Variants in CDK8 observed in about 807,000 individuals in gnomAD.
The protein encoded by CDK8 is cyclin-dependent kinase 8.
A neutral mutation model predicts 71.5 loss-of-function variants in CDK8; 29 were observed. The observed-to-expected ratio is 0.41, with a 90% confidence interval of 0.30 to 0.55. The LOEUF is 0.55. CDK8 is among the 20% of genes least tolerant of loss of function. The pLI is 0.37. For synonymous variants in CDK8, 161 were observed against 192.1 expected (o/e 0.84, Z 1.34); for missense variants, 288 against 572.6 (o/e 0.50, Z 5.07).
intron 1 of CDK8, among the ~76,000 whole-genome samples, chr13:26,285,927 A>C (rs542125458): frequency 1.6e-3 from 242 of 152,310 alleles, no homozygotes; most frequent in African/African-American, 5.6e-3. Context: ...ACAAATAAAT[A>C]AAATACTTAC....
At chr13:26,356,079 A>C (rs1046753181) in intron 4 of CDK8, among the ~76,000 whole-genome samples, 1 of 152,158 alleles carries the variant, frequency 6.6e-6, no homozygotes, top group Non-Finnish European at 1.5e-5. Context: ...ACATAGGGGT[A>C]GTATAGAACA....
chr13:26,269,066 A>G (rs558792801), intron 1 of CDK8, among the ~76,000 whole-genome samples: 1 of 152,258 alleles, frequency 6.6e-6, no homozygotes, highest in East Asian at 1.9e-4. Flanking sequence ...GCCTCCATAG[A>G]ATGAGAGGCT....
intron 1 of CDK8, among the ~76,000 whole-genome samples, chr13:26,271,750 T>C (rs1378835878): frequency 7.3e-6 from 1 of 137,836 alleles, no homozygotes; most frequent in African/African-American, 2.8e-5. Flanking sequence ...CTTGAGGCGG[T>C]GGTGAGCTCT....
intron 1 of CDK8, among the ~76,000 whole-genome samples, chr13:26,318,889 C>G (rs1173223987): frequency 6.6e-6 from 1 of 152,298 alleles, no homozygotes; most frequent in Non-Finnish European, 1.5e-5. Context: ...CACTTTTCCT[C>G]TAGTACCAGG....
chr13:26,378,025 C>T (rs1875035930), intron 4 of CDK8, among the ~76,000 whole-genome samples: 3 of 152,312 alleles, frequency 2.0e-5, no homozygotes, highest in African/African-American at 7.2e-5. Flanking sequence ...AGAGATCCAT[C>T]AAGAATCAAC....
chr13:26,301,160 A>G (rs552936186), intron 1 of CDK8, among the ~76,000 whole-genome samples: 3 of 150,422 alleles, frequency 2.0e-5, no homozygotes, highest in East Asian at 3.9e-4. Flanking sequence ...GGGTTAGTCA[A>G]TCTGAGCCTT....
intron 4 of CDK8, among the ~76,000 whole-genome samples, chr13:26,354,414 TAAG>T (rs1207459790): frequency 1.3e-5 from 2 of 152,226 alleles, no homozygotes; most frequent in Non-Finnish European, 2.9e-5. Context: ...TTTAAAAACT[TAAG>T]AAACTGACTT....
intron 1 of CDK8, among the ~76,000 whole-genome samples, chr13:26,268,594 G>A (rs1248627181): frequency 2.6e-5 from 4 of 152,028 alleles, no homozygotes; most frequent in Non-Finnish European, 4.4e-5. Flanking sequence ...AGGACTACAG[G>A]CACAGGCTAT....
chr13:26,327,786 G>A (rs976632976), intron 1 of CDK8, among the ~76,000 whole-genome samples: 14 of 152,004 alleles, frequency 9.2e-5, no homozygotes, highest in African/African-American at 2.9e-4. Context: ...CCGAGATTGC[G>A]CCACTGCACT....
rs547595569 is a variant in CDK8, at chr13:26,366,208, A to G, written c.456+12328A>G. Among the ~76,000 whole-genome samples, 14 of 152,246 alleles carry G rather than the reference A, an allele frequency of 9.2e-5. No homozygotes were observed. The South Asian group carries it at 2.5e-3, about 27-fold the overall frequency. On this transcript the variant is annotated intron_variant, in intron 4 of 12. Transcript: ENST00000381527. ...TTAAATCTTTTTCAGTTTGACGACC[A>G]TATCTCTTTACTGGATACAAGCAAA... is the stretch of plus-strand genomic sequence containing the variant.
intron 2 of CDK8, 49 bp downstream of exon 2, chr13:26,337,691 A>G (rs1212585504): frequency 2.5e-6 from 2 of 791,436 alleles, no homozygotes; most frequent in East Asian, 5.7e-5. Flanking sequence ...ACTTATGAGT[A>G]CCAACTATAT....
intron 1 of CDK8, among the ~76,000 whole-genome samples, chr13:26,309,228 C>T (rs1874176744): frequency 6.6e-6 from 1 of 151,600 alleles, no homozygotes; most frequent in Non-Finnish European, 1.5e-5. Flanking sequence ...CAAGCTCCGC[C>T]TCCCAGGTTC....
At chr13:26,261,321 T>C (rs554025461) in intron 1 of CDK8, among the ~76,000 whole-genome samples, 1 of 152,356 alleles carries the variant, frequency 6.6e-6, no homozygotes, top group African/African-American at 2.4e-5. Context: ...ATAAGTCACA[T>C]ACCATAAAAT....
intron 6 of CDK8, among the ~76,000 whole-genome samples, chr13:26,389,594 C>T (rs1338393800): frequency 6.6e-6 from 1 of 152,116 alleles, no homozygotes; most frequent in African/African-American, 2.4e-5. Context: ...CAACCCACAC[C>T]GTCGTCTGGT....
intron 6 of CDK8, 145 bp from the exon 7 acceptor site, chr13:26,393,222 G>A (rs1875832766): frequency 1.7e-6 from 1 of 573,258 alleles, no homozygotes; most frequent in South Asian, 2.4e-5. Context: ...ATTAATATGA[G>A]TTATTAGGGA....
At chr13:26,260,707 T>C (rs1266938115) in intron 1 of CDK8, among the ~76,000 whole-genome samples, 2 of 152,222 alleles carry the variant, frequency 1.3e-5, no homozygotes, top group Non-Finnish European at 2.9e-5. Context: ...TGAAAAATTA[T>C]AATTATTATA....
In CDK8 at chr13:26,356,004, A is replaced by C. The variant is rs946942271; in HGVS notation, c.456+2124A>C. Reference sequence around the variant, plus strand: ...TATGGTAGTGAAAATTATGATACCGAGTTTCTTTTATCTCTCTTATGGTAA... The same window carrying C: ...TATGGTAGTGAAAATTATGATACCGCGTTTCTTTTATCTCTCTTATGGTAA... On this transcript the variant is annotated intron_variant, in intron 4 of 12. Coordinates refer to ENST00000381527, the MANE Select transcript of CDK8 (RefSeq NM_001260.3). Among the ~76,000 whole-genome samples the C allele has an allele frequency of 4.6e-5, 7 of 152,178 alleles. No individual in the cohort carries two copies. The East Asian group carries it at 1.4e-3, about 29-fold the overall frequency.
At chr13:26,259,892 G>C (rs1871696125) in intron 1 of CDK8, among the ~76,000 whole-genome samples, 1 of 152,074 alleles carries the variant, frequency 6.6e-6, no homozygotes, top group Admixed American at 6.6e-5. Context: ...ATAACTACTG[G>C]GGAAACAAAC....
At position 26,334,878 on chromosome 13, in the gene CDK8, AC is replaced by A. The variant is rs1057007199; in HGVS notation, c.129-2688del. Among the ~76,000 whole-genome samples the A allele has an allele frequency of 3.0e-4, 45 of 151,472 alleles. 1 individual carries two copies. Among genetic ancestry groups the A allele is most frequent in the Non-Finnish European group, 1.2e-4 (8 of 67,848 alleles). On this transcript the variant is annotated intron_variant, in intron 1 of 12. Coordinates refer to ENST00000381527, the MANE Select transcript of CDK8 (RefSeq NM_001260.3). Reference sequence around the variant, plus strand: ...AAAAAATGAACATATCAAAATCGGAACTCCCCCAGCTTTTTGCCTCTGAACC... The same window carrying A: ...AAAAAATGAACATATCAAAATCGGAATCCCCCAGCTTTTTGCCTCTGAACC...
Sources: gnomAD v4.1 joint callset for allele counts (sites outside exome capture counted in the v4.1 genomes callset) on GRCh38, gnomAD v4.1.1 for gene constraint, MANE v1.5 for transcripts, NCBI Gene and HGNC (gene_info 2026-07-23, HGNC 2026-07-21) for gene names.